Variants in FBXO38 observed in about 807,000 individuals in gnomAD.
FBXO38 encodes the protein F-box only protein 38.
Under a neutral mutation model 131.9 loss-of-function variants are expected in FBXO38, and 53 were observed. The observed-to-expected ratio is 0.40, with a 90% CI of 0.32 to 0.51. The LOEUF (loss-of-function observed/expected upper bound fraction) is 0.51. Among genes scored for constraint, FBXO38 ranks in the 20% least tolerant of loss-of-function variants. The pLI, the probability that FBXO38 is intolerant of heterozygous loss-of-function variation, is 0.53. For synonymous variants in FBXO38, 452 were observed against 505.6 expected (o/e 0.89, Z 1.42); for missense variants, 1,076 against 1,475.6 (o/e 0.73, Z 4.44).
chr5:148,391,708 G>C (rs1346874462), intron 1 of FBXO38, among the ~76,000 whole-genome samples: 1 of 152,128 alleles, frequency 6.6e-6, no homozygotes, highest in African/African-American at 2.4e-5. Flanking sequence ...TTCCTTGTAG[G>C]CCGATTGTTT....
intron 12 of FBXO38, among the ~76,000 whole-genome samples, chr5:148,420,767 C>T (rs1413351287): frequency 5.3e-5 from 8 of 152,084 alleles, no homozygotes; most frequent in Admixed American, 2.6e-4. Flanking sequence ...CAGCACATTG[C>T]TGATTTTTGC....
intron 1 of FBXO38, among the ~76,000 whole-genome samples, chr5:148,393,437 C>G (rs1758319014): frequency 6.6e-6 from 1 of 152,118 alleles, no homozygotes. Context: ...CACCAGGTGC[C>G]TTTCTCCTAG....
chr5:148,392,617 G>GTGTATT lies in FBXO38; in HGVS notation c.-63-2092_-63-2087dup, dbSNP rs1450651558. Among the ~76,000 whole-genome samples, 47 of 147,920 alleles carry GTGTATT rather than the reference G, an allele frequency of 3.2e-4. No individual in the cohort carries two copies. In the East Asian group the frequency reaches 8.6e-3, roughly 27 times the overall value. On this transcript the variant is annotated intron_variant, in intron 1 of 21. Coordinates refer to ENST00000340253, the MANE Select transcript of FBXO38 (RefSeq NM_205836.3). The stretch of plus-strand genomic sequence containing the variant: ...TGTGTGTGTGTGTGTGTGTGTGTGT[G>GTGTATT]TGTATTTGTAATAGCTAAATCCTTG...
chr5:148,440,343 C>G (rs1456444042), intron 19 of FBXO38, 81 bp from the exon 20 acceptor site: 36 of 828,978 alleles, frequency 4.3e-5, no homozygotes, highest in Non-Finnish European at 7.1e-5. Flanking sequence ...GTGTCCGAAA[C>G]AGTTTTGATG....
Position 148,417,178 on chromosome 5 carries a change from C to T in FBXO38, c.1592C>T (p.Pro531Leu). 2 of 1,613,102 alleles carry T rather than the reference C, an allele frequency of 1.2e-6. No homozygotes were observed. The highest frequency in any genetic ancestry group is 1.7e-6 in the Non-Finnish European group (2 of 1,179,150). Residue 531 changes from proline to leucine, a missense_variant, in exon 12 of 22, where the codon CCA (proline) becomes CTA (leucine). Around this residue, in one of 8 missense-constraint regions of FBXO38, gnomAD observed 212 missense variants for 221.2 expected, o/e 0.96. Coordinates refer to ENST00000340253, the MANE Select transcript of FBXO38 (RefSeq NM_205836.3). Reference protein sequence around the residue: ...EENDFRQDLQPGEQQFAADAL... With the variant: ...EENDFRQDLQLGEQQFAADAL... Reference sequence around the variant, plus strand: ...AATGACTTTCGGCAAGATCTGCAGCCAGGAGAGCAGCAGTTTGCAGCTGAC... The same window carrying T: ...AATGACTTTCGGCAAGATCTGCAGCTAGGAGAGCAGCAGTTTGCAGCTGAC...
chr5:148,413,875 TTTCTC>T (rs1249318785), intron 9 of FBXO38: 3 of 310,854 alleles, frequency 9.7e-6, no homozygotes, highest in Non-Finnish European at 5.8e-6. Context: ...ATTTTTGCCT[TTTCTC>T]TTCTCTAAAC....
chr5:148,395,379 G>T (rs932000659), intron 2 of FBXO38, among the ~76,000 whole-genome samples: 1 of 151,938 alleles, frequency 6.6e-6, no homozygotes, highest in African/African-American at 2.4e-5. Context: ...ATAACTAAAT[G>T]CAGTGCATAC....
chr5:148,391,256 A>G (rs1401015222), intron 1 of FBXO38, among the ~76,000 whole-genome samples: 2 of 152,220 alleles, frequency 1.3e-5, no homozygotes, highest in Non-Finnish European at 2.9e-5. Flanking sequence ...TATATAGAAT[A>G]ATGGAAAGAC....
rs1397828846 is a variant in FBXO38 at position 148,407,739 on chromosome 5, G to A, written c.868+1345G>A. On this transcript the variant is annotated intron_variant, in intron 7 of 21. Coordinates refer to ENST00000340253, the MANE Select transcript of FBXO38 (RefSeq NM_205836.3). ...GCAGATCGAGACCATCCTGGCTAAC[G>A]TGGTGAAACCCCGTCTCTACTTAAA... Among the ~76,000 whole-genome samples the A allele has an allele frequency of 4.6e-5, 7 of 151,876 alleles. 1 individual carries two copies. Among genetic ancestry groups the A allele is most frequent in the Non-Finnish European group, 1.0e-4 (7 of 67,932 alleles).
chr5:148,406,180 T>C, intron 6 of FBXO38, 77 bp from the exon 7 acceptor site: 1 of 1,352,896 alleles, frequency 7.4e-7, no homozygotes, highest in African/African-American at 1.5e-5. Context: ...TTATAAGTTA[T>C]ACATGTCTTT....
chr5:148,417,255 T>C (rs1753113638), intron 12 of FBXO38, 51 bp downstream of exon 12: 3 of 1,280,778 alleles, frequency 2.3e-6, no homozygotes, highest in Non-Finnish European at 3.4e-6. Context: ...TCACTTTGTA[T>C]TGTATTTCTG....
chr5:148,411,625 GTTTT>G (rs1752760019), intron 9 of FBXO38, among the ~76,000 whole-genome samples: 1 of 151,890 alleles, frequency 6.6e-6, no homozygotes, highest in South Asian at 2.1e-4. Flanking sequence ...ATAGTTGTGG[GTTTT>G]TTGTTTGTTT....
rs6878613 is a variant in FBXO38, at chr5:148,406,606, A to G, written c.868+212A>G. On this transcript the variant is annotated intron_variant, in intron 7 of 21. Transcript: ENST00000340253. Reference sequence around the variant, plus strand: ...ATTAAACTTTCTTAAAATAGACAGTAGAGTGATAAGACATGTTTTCTGGCT... The same window carrying G: ...ATTAAACTTTCTTAAAATAGACAGTGGAGTGATAAGACATGTTTTCTGGCT... Among the ~76,000 whole-genome samples the G allele has an allele frequency of 6.1e-3, 928 of 152,300 alleles. 7 individuals are homozygous for G. Among genetic ancestry groups the G allele is most frequent in the African/African-American group, 0.021 (874 of 41,560 alleles).
intron 1 of FBXO38, chr5:148,384,860 T>C (rs1029825945): frequency 6.6e-6 from 1 of 152,196 alleles, no homozygotes; most frequent in Non-Finnish European, 1.5e-5. Flanking sequence ...GCAGTGTAAA[T>C]CACTACAAAG....
intron 11 of FBXO38, 101 bp downstream of exon 11, chr5:148,416,171 C>T (rs756072607): frequency 2.7e-4 from 324 of 1,201,924 alleles, no homozygotes; most frequent in Non-Finnish European, 3.5e-4. Context: ...TATGCCTTTA[C>T]GGTGTTACAG....
chr5:148,386,538 G>C (rs1273688183), intron 1 of FBXO38, among the ~76,000 whole-genome samples: 1 of 152,050 alleles, frequency 6.6e-6, no homozygotes, highest in African/African-American at 2.4e-5. Flanking sequence ...ACAAAAAATT[G>C]AGAACTGTGT....
At position 148,402,335 on chromosome 5, in the gene FBXO38, CATT is replaced by C; in HGVS notation, c.427-9_427-7del. ...AAGTCTTTTCTTATGCTTGCTTTGG[CATT>C]ATTTTCTAGGGTGTGGAAACTTCTC... On this transcript the variant is annotated splice_polypyrimidine_tract_variant and intron_variant, in intron 4 of 21. Coordinates refer to ENST00000340253, the MANE Select transcript of FBXO38 (RefSeq NM_205836.3). 1 of 1,584,492 alleles carries C rather than the reference CATT, an allele frequency of 6.3e-7. No homozygotes were observed. The highest frequency in any genetic ancestry group is 8.6e-7 in the Non-Finnish European group (1 of 1,162,270).
intron 18 of FBXO38, 150 bp from the exon 19 acceptor site, chr5:148,439,497 T>C: frequency 1.4e-6 from 1 of 713,826 alleles, no homozygotes; most frequent in East Asian, 4.0e-5. Flanking sequence ...CATGACAGAC[T>C]GTTTTCAGGT....
At position 148,442,117 on chromosome 5, in the gene FBXO38, T is replaced by C. The variant is rs1561551311; in HGVS notation, c.3537T>C (p.Asn1179=). ...TTTTTATCCACTATTGTGATGTCAA[T>C]GGAGAGCCAGTTGAAGATGACTACA... ...VAIFIHYCDV[N]GEPVEDDYI Residue 1179 remains asparagine (N), a synonymous_variant, in exon 22 of 22, where the codon AAT becomes AAC. Transcript: ENST00000340253. The C allele has an allele frequency of 1.9e-6, 3 of 1,613,910 alleles. No individual in the cohort carries two copies. The highest frequency in any genetic ancestry group is 2.5e-6 in the Non-Finnish European group (3 of 1,179,922).
Sources: allele counts gnomAD v4.1 joint callset (sites outside exome capture counted in the v4.1 genomes callset), GRCh38; gene constraint gnomAD v4.1.1; regional missense constraint gnomAD v4.1.1; transcripts MANE v1.5; gene names NCBI Gene and HGNC (gene_info 2026-07-23, HGNC 2026-07-21).